The following SLC35F4 variants were observed in gnomAD, a reference collection of about 807,000 sequenced individuals.
SLC35F4 encodes solute carrier family 35 member F4.
SLC35F4 carries 24 observed loss-of-function variants against 44.2 expected under a neutral mutation model. The observed-to-expected ratio is 0.54, with a 90% CI of 0.39 to 0.76. SLC35F4 has a LOEUF of 0.76. Ranked by LOEUF, SLC35F4 falls within the 30% of genes least tolerant of loss-of-function variation. SLC35F4 has a pLI of 0.00. For synonymous variants in SLC35F4, 238 were observed against 223.6 expected (o/e 1.06, Z -0.57); for missense variants, 562 against 586.1 (o/e 0.96, Z 0.42).
chr14:57,948,647 C>T (rs1890079060), intron 1 of SLC35F4, among the ~76,000 whole-genome samples: 1 of 151,952 alleles, frequency 6.6e-6, no homozygotes, highest in African/African-American at 2.4e-5. Flanking sequence ...TTTGCTCTGT[C>T]AGACTTTTTG....
At chr14:57,913,446 A>G (rs551913652) in intron 1 of SLC35F4, among the ~76,000 whole-genome samples, 1 of 151,890 alleles carries the variant, frequency 6.6e-6, no homozygotes, top group South Asian at 2.1e-4. Flanking sequence ...ATTTTTTTCA[A>G]CGTTTTTTAG....
chr14:57,842,501 A>T (rs745823647), intron 1 of SLC35F4, among the ~76,000 whole-genome samples: 3 of 152,118 alleles, frequency 2.0e-5, no homozygotes, highest in Non-Finnish European at 2.9e-5. Context: ...GCCACCCACC[A>T]GACATGGGAG....
At position 57,856,316 on chromosome 14, in the gene SLC35F4, A is replaced by G. The variant is rs1387024956; in HGVS notation, c.103+9407T>C. 2.6e-5 allele frequency among the ~76,000 whole-genome samples: 4 copies of G among 152,084 alleles called. No homozygotes were observed. In the East Asian group the frequency reaches 5.8e-4, roughly 22 times the overall value. On this transcript the variant is annotated intron_variant, in intron 1 of 7. Transcript: ENST00000556826. Reference sequence around the variant, plus strand: ...GCACATGTACCCCAGAACTTAAAGTATGTTAAAAACATGGCTAGCAAGTAG... The same window carrying G: ...GCACATGTACCCCAGAACTTAAAGTGTGTTAAAAACATGGCTAGCAAGTAG...
chr14:57,969,768 T>C (rs1439461464), intron 1 of SLC35F4, among the ~76,000 whole-genome samples: 1 of 152,212 alleles, frequency 6.6e-6, no homozygotes. Flanking sequence ...TACAATAAAC[T>C]TCATGTGACA....
chr14:57,870,584 C>T (rs1021066411), upstream of SLC35F4, among the ~76,000 whole-genome samples: 3 of 152,238 alleles, frequency 2.0e-5, no homozygotes, highest in East Asian at 1.9e-4. Context: ...AGACATAGAA[C>T]GCTTTGAGCT....
chr14:57,650,509 C>T (rs1287426902), intron 1 of SLC35F4, among the ~76,000 whole-genome samples: 4 of 152,116 alleles, frequency 2.6e-5, no homozygotes, highest in Non-Finnish European at 5.9e-5. Flanking sequence ...ACGTCTACTT[C>T]TCACCATCTC....
chr14:57,948,644 T>C (rs553247471), intron 1 of SLC35F4, among the ~76,000 whole-genome samples: 2 of 152,302 alleles, frequency 1.3e-5, no homozygotes, highest in South Asian at 4.1e-4. Context: ...ATTTTTGCTC[T>C]GTCAGACTTT....
chr14:57,643,763 C>A (rs1353228014), intron 1 of SLC35F4, among the ~76,000 whole-genome samples: 1 of 152,122 alleles, frequency 6.6e-6, no homozygotes, highest in Non-Finnish European at 1.5e-5. Context: ...ACTATCCCTC[C>A]CCCCTTCCCC....
chr14:57,740,362 A>T (rs1364659345), intron 1 of SLC35F4, among the ~76,000 whole-genome samples: 1 of 152,130 alleles, frequency 6.6e-6, no homozygotes, highest in Non-Finnish European at 1.5e-5. Flanking sequence ...ACTTAATTGT[A>T]TTTCTATTTT....
At chr14:57,892,655 C>G (rs1888793674) in intron 1 of SLC35F4, among the ~76,000 whole-genome samples, 1 of 151,940 alleles carries the variant, frequency 6.6e-6, no homozygotes, top group African/African-American at 2.4e-5. Context: ...ATGGATTATA[C>G]TTTTTTTTGT....
chr14:57,944,682 AAAAGAAAGAAAGAAAAGAAAG>A lies in SLC35F4; in HGVS notation n.282+37210_282+37230del, dbSNP rs1479431655. On this transcript the variant is annotated intron_variant and non_coding_transcript_variant, in intron 1 of 1. Transcript: ENST00000556568. The stretch of plus-strand genomic sequence containing the variant: ...GGGAGAGAGAGAAAGAAAGAAAAAG[AAAAGAAAGAAAGAAAAGAAAG>A]AAAGAAAGAAAGAAAGAAAGAAAGA... 6.7e-3 allele frequency among the ~76,000 whole-genome samples: 907 copies of A among 135,828 alleles called. 6 individuals carry two copies. The highest frequency in any genetic ancestry group is 0.022 in the African/African-American group (718 of 33,348). The allele number at this position is 135,828 out of a possible 152,430, so 89.1% of individuals were successfully genotyped here.
chr14:57,827,400 C>G (rs1239091509), intron 1 of SLC35F4, among the ~76,000 whole-genome samples: 1 of 152,046 alleles, frequency 6.6e-6, no homozygotes, highest in Non-Finnish European at 1.5e-5. Flanking sequence ...ATGCTGGGCT[C>G]AATACCTAGG....
At chr14:57,963,273 T>C (rs536532641) in intron 1 of SLC35F4, among the ~76,000 whole-genome samples, 1 of 152,328 alleles carries the variant, frequency 6.6e-6, no homozygotes, top group East Asian at 1.9e-4. Flanking sequence ...GGTCAGGTGC[T>C]TGCTTCTTCT....
intron 6 of SLC35F4, among the ~76,000 whole-genome samples, chr14:57,567,679 C>T (rs1413270551): frequency 6.6e-6 from 1 of 152,218 alleles, no homozygotes; most frequent in Non-Finnish European, 1.5e-5. Flanking sequence ...TATTCCAGCA[C>T]TTTGACACTC....
chr14:57,850,231 G>C, intron 1 of SLC35F4, among the ~76,000 whole-genome samples: 1 of 152,182 alleles, frequency 6.6e-6, no homozygotes, highest in East Asian at 1.9e-4. Context: ...GAGAAAAGTA[G>C]GTTGTGCTGC....
intron 1 of SLC35F4, among the ~76,000 whole-genome samples, chr14:57,600,464 G>A (rs374603419): frequency 5.3e-5 from 8 of 150,546 alleles, no homozygotes; most frequent in East Asian, 3.9e-4. Context: ...AGGCCAAGGT[G>A]GGCGGATCAC....
chr14:57,789,866 A>G (rs1272707982), intron 1 of SLC35F4, among the ~76,000 whole-genome samples: 2 of 152,252 alleles, frequency 1.3e-5, no homozygotes, highest in African/African-American at 4.8e-5. Context: ...AATGTAATGC[A>G]TCACATAAAC....
chr14:57,966,893 C>A (rs889390829), intron 1 of SLC35F4, among the ~76,000 whole-genome samples: 58 of 151,990 alleles, frequency 3.8e-4, no homozygotes, highest in African/African-American at 1.4e-3. Context: ...GCCTGTAATT[C>A]CAGCTACTCA....
intron 1 of SLC35F4, among the ~76,000 whole-genome samples, chr14:57,704,685 T>C (rs1381445497): frequency 3.3e-5 from 5 of 152,078 alleles, no homozygotes; most frequent in Non-Finnish European, 7.4e-5. Flanking sequence ...GATCAGTAGC[T>C]AAGATATACT....
Sources: gnomAD v4.1 joint callset for allele counts (sites outside exome capture counted in the v4.1 genomes callset) on GRCh38, gnomAD v4.1.1 for gene constraint, MANE v1.5 for transcripts, NCBI Gene and HGNC (gene_info 2026-07-23, HGNC 2026-07-21) for gene names.